EPS8: variants seen among roughly 807,000 people sequenced by gnomAD.
EPS8 encodes the protein epidermal growth factor receptor kinase substrate 8.
EPS8 carries 42 observed loss-of-function variants against 103.8 expected under a neutral mutation model. The ratio of observed to expected loss-of-function variants is 0.40; its 90% confidence interval spans 0.32 to 0.52. The LOEUF is 0.52. EPS8 is among the 20% of genes least tolerant of loss of function. The probability of loss-of-function intolerance (pLI) is 0.40; values close to 1 mark genes in which losing one functional copy is unlikely to be tolerated. For missense variants in EPS8, 969 were observed against 1,005.1 expected, an observed-to-expected ratio of 0.96 and a Z score of 0.49; for synonymous variants, 344 against 344.6, an observed-to-expected ratio of 1.00 and a Z score of 0.02.
intron 1 of EPS8, among the ~76,000 whole-genome samples, chr12:15,726,439 C>T (rs1039186537): frequency 6.6e-6 from 1 of 152,040 alleles, no homozygotes. Context: ...GTTCAAATAT[C>T]TGCCAAAGTC....
chr12:15,756,280 T>C (rs1946985707), intron 1 of EPS8, among the ~76,000 whole-genome samples: 1 of 152,204 alleles, frequency 6.6e-6, no homozygotes, highest in South Asian at 2.1e-4. Flanking sequence ...CAGAAAGAGA[T>C]AACAATGAAA....
intron 8 of EPS8, among the ~76,000 whole-genome samples, chr12:15,663,911 A>C (rs1945651689): frequency 1.8e-5 from 2 of 111,396 alleles, no homozygotes; most frequent in South Asian, 3.1e-4. Context: ...ACAGAGCAAC[A>C]CTCCATCTCA....
At chr12:15,657,124 C>G (rs764182529) in intron 12 of EPS8, among the ~76,000 whole-genome samples, 10 of 152,190 alleles carry the variant, frequency 6.6e-5, no homozygotes, top group Non-Finnish European at 1.3e-4. Flanking sequence ...TGTTACCCTG[C>G]TGATATCATC....
intron 1 of EPS8, among the ~76,000 whole-genome samples, chr12:15,724,501 G>A (rs2135982652): frequency 1.3e-5 from 2 of 152,234 alleles, no homozygotes; most frequent in South Asian, 4.1e-4. Flanking sequence ...AAGGGAGACT[G>A]TTTACAGACA....
chr12:15,727,686 C>T lies in EPS8; in HGVS notation c.-21-44714G>A, dbSNP rs961673470. Among the ~76,000 whole-genome samples, 3 of 151,986 alleles carry T rather than the reference C, an allele frequency of 2.0e-5. No individual in the cohort carries two copies. Among genetic ancestry groups the T allele is most frequent in the African/African-American group, 7.3e-5 (3 of 41,374 alleles). ...CAGCCTGACCAACACGGTGAAACCC[C>T]GTCTCTACTAAAAATACAAAAATTA... On this transcript the variant is annotated intron_variant, in intron 1 of 20. Transcript: ENST00000281172. The surrounding 1 kb of genome is among the most constrained non-coding windows in gnomAD (Gnocchi z 4.3).
intron 1 of EPS8, among the ~76,000 whole-genome samples, chr12:15,773,183 A>G (rs564309529): frequency 3.3e-5 from 5 of 152,314 alleles, no homozygotes; most frequent in Admixed American, 1.3e-4. Context: ...CTGAACTCCA[A>G]GAGCTTACTA....
chr12:15,624,157 C>G, intron 19 of EPS8, 70 bp downstream of exon 19: 2 of 1,261,726 alleles, frequency 1.6e-6, no homozygotes, highest in Non-Finnish European at 2.3e-6. Flanking sequence ...TCTGTGACAT[C>G]TAACTAAGCA....
At chr12:15,686,495 A>T (rs1215093396) in intron 1 of EPS8, among the ~76,000 whole-genome samples, 1 of 152,186 alleles carries the variant, frequency 6.6e-6, no homozygotes, top group Non-Finnish European at 1.5e-5. Context: ...CTATAATTTT[A>T]TCTTTATTTT....
chr12:15,741,098 G>A (rs533892222), intron 1 of EPS8, among the ~76,000 whole-genome samples: 1 of 152,288 alleles, frequency 6.6e-6, no homozygotes, highest in East Asian at 1.9e-4. Context: ...TCACCAAGGT[G>A]GGCTTCATGG....
chr12:15,652,736 C>T (rs1202510551), intron 13 of EPS8, among the ~76,000 whole-genome samples: 2 of 152,150 alleles, frequency 1.3e-5, no homozygotes, highest in Admixed American at 6.5e-5. Context: ...AACTGCAATG[C>T]TTTCAAAGAA....
chr12:15,765,275 G>C (rs938471633), intron 1 of EPS8, among the ~76,000 whole-genome samples: 7 of 152,062 alleles, frequency 4.6e-5, no homozygotes, highest in African/African-American at 1.7e-4. Flanking sequence ...TAAGTTATTT[G>C]AATACAATAA....
At chr12:15,724,017 T>G (rs1306722097) in intron 1 of EPS8, among the ~76,000 whole-genome samples, 1 of 152,188 alleles carries the variant, frequency 6.6e-6, no homozygotes, top group African/African-American at 2.4e-5. Context: ...CTTTGAATAT[T>G]CTAGAATTCA....
At chr12:15,746,112 G>T (rs1019467323) in intron 1 of EPS8, among the ~76,000 whole-genome samples, 2 of 152,172 alleles carry the variant, frequency 1.3e-5, no homozygotes, top group Admixed American at 6.5e-5. Flanking sequence ...TTAAACAAAT[G>T]TTTCAGTCAG....
At chr12:15,652,572 T>C (rs1247238917) in intron 13 of EPS8, among the ~76,000 whole-genome samples, 1 of 152,124 alleles carries the variant, frequency 6.6e-6, no homozygotes, top group Non-Finnish European at 1.5e-5. Flanking sequence ...TGTACAACTA[T>C]TAATAATGTA....
rs1398481274 is a variant in EPS8 at position 15,780,744 on chromosome 12, G to A, written c.-22+8417C>T. Reference sequence around the variant, plus strand: ...GAGCCTTCTGACAACAAAAGGCAGAGATCCTGTCTTACTCATCTTTGTATT... The same window carrying A: ...GAGCCTTCTGACAACAAAAGGCAGAAATCCTGTCTTACTCATCTTTGTATT... On this transcript the variant is annotated intron_variant, in intron 1 of 20. Transcript: ENST00000281172. This position sits in a 1 kb window ranked among gnomAD's most constrained non-coding sequence, Gnocchi z 4.1. The A allele has an allele frequency of 2.6e-5, 4 of 152,190 alleles. No homozygotes were observed. Among genetic ancestry groups the A allele is most frequent in the African/African-American group, 9.7e-5 (4 of 41,438 alleles). 9.4% of individuals were successfully genotyped at this position (152,190 alleles called of 1,614,324 possible). A position where few individuals can be genotyped will look rare whatever the true frequency, so the allele number is the denominator to read the frequency against.
chr12:15,787,332 TG>T lies in EPS8; in HGVS notation c.-22+1828del, dbSNP rs1272761000. Reference sequence around the variant, plus strand: ...CCTATGCCATAGCATAGAAAAGAACTGGTATCTGAAAAGAATCAGTATTGAT... The same window carrying T: ...CCTATGCCATAGCATAGAAAAGAACTGTATCTGAAAAGAATCAGTATTGAT... On this transcript the variant is annotated intron_variant, in intron 1 of 20. Transcript: ENST00000281172. The surrounding 1 kb of genome is among the most constrained non-coding windows in gnomAD (Gnocchi z 4.9). Among the ~76,000 whole-genome samples, 1 of 152,090 alleles carries T rather than the reference TG, an allele frequency of 6.6e-6. No individual in the cohort carries two copies. Among genetic ancestry groups the T allele is most frequent in the Non-Finnish European group, 1.5e-5 (1 of 67,972 alleles).
Position 15,789,227 on chromosome 12 carries a change from G to T in EPS8, c.-88C>A, listed in dbSNP as rs1213182913. 1.3e-5 allele frequency: 2 copies of T among 152,188 alleles called. No individual in the cohort carries two copies. Among genetic ancestry groups the T allele is most frequent in the East Asian group, 1.9e-4 (1 of 5,154 alleles). The allele number at this position is 152,188 out of a possible 1,614,324, so 9.4% of individuals were successfully genotyped here. On this transcript the variant is annotated 5_prime_UTR_variant, in exon 1 of 21. Coordinates refer to ENST00000281172, the MANE Select transcript of EPS8 (RefSeq NM_004447.6). This position sits in a 1 kb window ranked among gnomAD's most constrained non-coding sequence, Gnocchi z 6.1. ...CGCGAGCCCAGACGAGGTGGGAGGG[G>T]ACCGGGAGAAAGCCCCCCAATCTGA...
chr12:15,715,138 G>A (rs957261867), intron 1 of EPS8, among the ~76,000 whole-genome samples: 1 of 152,246 alleles, frequency 6.6e-6, no homozygotes. Context: ...ACTTCACCCA[G>A]TATCACACTC....
At chr12:15,624,900 G>C (rs1432847623) in intron 18 of EPS8, among the ~76,000 whole-genome samples, 1 of 152,190 alleles carries the variant, frequency 6.6e-6, no homozygotes, top group Admixed American at 6.5e-5. Flanking sequence ...GGCTGCTGCT[G>C]TCACACAGTG....
Sources: allele counts gnomAD v4.1 joint callset (sites outside exome capture counted in the v4.1 genomes callset), GRCh38; gene constraint gnomAD v4.1.1; non-coding constraint Gnocchi (gnomAD v3.1); transcripts MANE v1.5; gene names NCBI Gene and HGNC (gene_info 2026-07-23, HGNC 2026-07-21).